The following NUMB variants were observed in gnomAD, a reference collection of about 807,000 sequenced individuals.
NUMB encodes NUMB endocytic adaptor protein.
NUMB carries 29 observed loss-of-function variants against 59.7 expected under a neutral mutation model. The observed-to-expected ratio is 0.49, with a 90% CI of 0.36 to 0.66. The LOEUF (loss-of-function observed/expected upper bound fraction) is 0.66. Among genes scored for constraint, NUMB ranks in the 30% least tolerant of loss-of-function variants. NUMB has a pLI of 0.00. For missense variants in NUMB, 723 were observed against 822.0 expected (o/e 0.88, Z 1.47); for synonymous variants, 288 against 288.2 (o/e 1.00, Z 0.01).
chr14:73,452,053 G>C (rs1476815645), intron 1 of NUMB, among the ~76,000 whole-genome samples: 1 of 151,704 alleles, frequency 6.6e-6, no homozygotes, highest in Non-Finnish European at 1.5e-5. Context: ...ACAAGACCCT[G>C]TCTCTACCCC....
intron 1 of NUMB, among the ~76,000 whole-genome samples, chr14:73,414,749 T>C (rs1897051024): frequency 6.6e-6 from 1 of 152,156 alleles, no homozygotes; most frequent in Non-Finnish European, 1.5e-5. Context: ...AGACTGAGTC[T>C]CGCTCTGTTG....
chr14:73,391,206 A>G (rs895382862), intron 2 of NUMB, among the ~76,000 whole-genome samples: 1 of 151,838 alleles, frequency 6.6e-6, no homozygotes, highest in Non-Finnish European at 1.5e-5. Context: ...AAGGAATTAA[A>G]CCATCGTGCA....
At chr14:73,411,054 C>A (rs2140134099) in intron 1 of NUMB, among the ~76,000 whole-genome samples, 1 of 152,184 alleles carries the variant, frequency 6.6e-6, no homozygotes, top group East Asian at 1.9e-4. Context: ...ATTTTGGAGA[C>A]TGGGTCTCGC....
At chr14:73,294,597 A>G (rs1339762928) in intron 7 of NUMB, among the ~76,000 whole-genome samples, 1 of 151,302 alleles carries the variant, frequency 6.6e-6, no homozygotes, top group Non-Finnish European at 1.5e-5. Context: ...AGCTTACTGC[A>G]ACCTCTGCCT....
rs73310942 is a variant in NUMB at position 73,441,421 on chromosome 14, G to A, written c.-233+17072C>T. 1.2e-3 allele frequency among the ~76,000 whole-genome samples: 189 copies of A among 152,126 alleles called. 1 individual carries two copies. The highest frequency in any genetic ancestry group is 4.4e-3 in the African/African-American group (182 of 41,494). ...AAATTAGCCTGGCATGGTAGTGCAC[G>A]CCTCAGCTGAGAGGCTGAGGCAGGA... On this transcript the variant is annotated intron_variant, in intron 1 of 12. Coordinates refer to ENST00000555238, the MANE Select transcript of NUMB (RefSeq NM_001005743.2).
chr14:73,330,718 C>T (rs746115798), intron 4 of NUMB, among the ~76,000 whole-genome samples: 1 of 122,542 alleles, frequency 8.2e-6, no homozygotes, highest in East Asian at 2.4e-4. Flanking sequence ...TAGTATCCCA[C>T]GTGTTCAGTC....
chr14:73,430,191 C>T (rs529943247), intron 1 of NUMB, among the ~76,000 whole-genome samples: 4 of 151,780 alleles, frequency 2.6e-5, no homozygotes, highest in Non-Finnish European at 4.4e-5. Flanking sequence ...ACTGCATTTG[C>T]ATATAGGTTT....
intron 2 of NUMB, among the ~76,000 whole-genome samples, chr14:73,391,001 T>C (rs907890634): frequency 2.6e-5 from 4 of 151,764 alleles, no homozygotes; most frequent in East Asian, 3.9e-4. Context: ...TGAAACACTA[T>C]AGGCCCTCAA....
At chr14:73,281,683 G>A (rs1395738961) in intron 11 of NUMB, 1 of 152,166 alleles carries the variant, frequency 6.6e-6, no homozygotes, top group Non-Finnish European at 1.5e-5. Context: ...ACTCTTCAAT[G>A]CCACAAAGGC....
chr14:73,349,084 C>A (rs1043399700), intron 4 of NUMB, among the ~76,000 whole-genome samples: 3 of 152,200 alleles, frequency 2.0e-5, no homozygotes, highest in African/African-American at 7.2e-5. Flanking sequence ...ATATATTTTT[C>A]TTTTAACTGA....
chr14:73,374,748 A>T (rs1314957241), intron 2 of NUMB, among the ~76,000 whole-genome samples: 2 of 131,452 alleles, frequency 1.5e-5, no homozygotes, highest in Non-Finnish European at 3.1e-5. Flanking sequence ...TTTGAGACAG[A>T]GTCTCTCTCT....
At chr14:73,456,389 C>T (rs928158096) in intron 1 of NUMB, among the ~76,000 whole-genome samples, 2 of 152,170 alleles carry the variant, frequency 1.3e-5, no homozygotes, top group Non-Finnish European at 2.9e-5. Context: ...GGATTATAGG[C>T]GTGAGCCACC....
chr14:73,297,787 A>C (rs1889877888), intron 6 of NUMB: 1 of 152,498 alleles, frequency 6.6e-6, no homozygotes, highest in Non-Finnish European at 1.5e-5. Flanking sequence ...TGGTCACCTA[A>C]AATTTTCACG....
intron 7 of NUMB, among the ~76,000 whole-genome samples, chr14:73,294,380 T>C (rs1889618036): frequency 6.6e-6 from 1 of 152,072 alleles, no homozygotes; most frequent in South Asian, 2.1e-4. Context: ...TAATCAAATA[T>C]CAGTTTTTAT....
chr14:73,435,696 C>T (rs1371601652), intron 1 of NUMB, among the ~76,000 whole-genome samples: 1 of 151,974 alleles, frequency 6.6e-6, no homozygotes, highest in Non-Finnish European at 1.5e-5. Flanking sequence ...TAGCAGCCTT[C>T]TCATTATAAT....
intron 3 of NUMB, among the ~76,000 whole-genome samples, chr14:73,361,841 C>A (rs1301489079): frequency 6.6e-6 from 1 of 152,110 alleles, no homozygotes; most frequent in African/African-American, 2.4e-5. Context: ...AGAAAAGGGG[C>A]ATTTCAAACA....
rs74064603 is a variant in NUMB at position 73,322,808 on chromosome 14, A to T, written c.201+322T>A. 679 of 155,078 alleles carry T rather than the reference A, an allele frequency of 4.4e-3. 2 individuals are homozygous for T. The highest frequency in any genetic ancestry group is 0.016 in the African/African-American group (652 of 41,632). The allele number at this position is 155,078 out of a possible 1,614,324, so 9.6% of individuals were successfully genotyped here. A position where few individuals can be genotyped will look rare whatever the true frequency, so the allele number is the denominator to read the frequency against. On this transcript the variant is annotated intron_variant, in intron 5 of 12. Transcript: ENST00000555238. The stretch of plus-strand genomic sequence containing the variant: ...AATAATTTATACCTCTGGATGGGCA[A>T]CATGAGATGCTTTTAAATTTTTTAA...
intron 2 of NUMB, among the ~76,000 whole-genome samples, chr14:73,400,676 A>T (rs1896368438): frequency 6.6e-6 from 1 of 152,202 alleles, no homozygotes; most frequent in Non-Finnish European, 1.5e-5. Context: ...AGGGAAGAGG[A>T]GCTGAAGGGT....
intron 9 of NUMB, chr14:73,286,136 G>T (rs1041114471): frequency 2.0e-5 from 3 of 148,754 alleles, no homozygotes; most frequent in Non-Finnish European, 4.4e-5. Flanking sequence ...GCAATCCTCT[G>T]GTCTCAGCCT....
Sources: gnomAD v4.1 joint callset for allele counts (sites outside exome capture counted in the v4.1 genomes callset) on GRCh38, gnomAD v4.1.1 for gene constraint, MANE v1.5 for transcripts, NCBI Gene and HGNC (gene_info 2026-07-23, HGNC 2026-07-21) for gene names.